The following ARMC2 variants were observed in gnomAD, a reference collection of about 807,000 sequenced individuals.
ARMC2 encodes armadillo repeat containing 2.
A neutral mutation model predicts 90.3 loss-of-function variants in ARMC2; 67 were observed. That is an observed-to-expected ratio of 0.74 (90% CI 0.61 to 0.91). The LOEUF (loss-of-function observed/expected upper bound fraction) is 0.91, where lower values mean the gene tolerates loss of function less well. ARMC2 is among the 40% of genes least tolerant of loss of function. ARMC2 has a pLI of 0.00. For missense variants in ARMC2, 920 were observed against 1,030.9 expected (o/e 0.89, Z 1.47); for synonymous variants, 393 against 393.0 (o/e 1.00, Z 0.00).
the ARMC2 span, chr6:108,998,730 C>T: frequency 6.2e-7 from 1 of 1,612,318 alleles, no homozygotes; most frequent in South Asian, 1.1e-5. Flanking sequence ...AAGGGACCAG[C>T]TGTGCTCTTC....
At chr6:108,898,867 C>A (rs1771864864) in intron 6 of ARMC2, among the ~76,000 whole-genome samples, 1 of 152,138 alleles carries the variant, frequency 6.6e-6, no homozygotes, top group Non-Finnish European at 1.5e-5. Context: ...TCCCTACAAC[C>A]CATATTCACA....
At chr6:108,904,083 G>T in intron 7 of ARMC2, 147 bp from the exon 8 acceptor site, 1 of 909,982 alleles carries the variant, frequency 1.1e-6, no homozygotes, top group South Asian at 1.6e-5. Context: ...AGATGGAAGT[G>T]ATAAGATAAG....
At chr6:108,997,201 T>A in the ARMC2 span, among the ~76,000 whole-genome samples, 1 of 152,198 alleles carries the variant, frequency 6.6e-6, no homozygotes, top group Non-Finnish European at 1.5e-5. Flanking sequence ...GGAAGCTTAT[T>A]AGAGAAATAA....
At chr6:108,971,999 A>C (rs1778799900) in intron 17 of ARMC2, among the ~76,000 whole-genome samples, 1 of 151,968 alleles carries the variant, frequency 6.6e-6, no homozygotes, top group South Asian at 2.1e-4. Flanking sequence ...TTACCATTTT[A>C]GAAGTTGGCC....
chr6:109,046,866 G>A, the ARMC2 span, among the ~76,000 whole-genome samples: 22 of 131,336 alleles, frequency 1.7e-4, no homozygotes, highest in African/African-American at 5.6e-4. Flanking sequence ...CGTATGAGAA[G>A]TGAGGAGCCC....
chr6:109,034,447 A>C, the ARMC2 span, among the ~76,000 whole-genome samples: 1 of 152,200 alleles, frequency 6.6e-6, no homozygotes, highest in Admixed American at 6.5e-5. Context: ...TTATTTATCA[A>C]TTCTTTGAGT....
chr6:108,868,731 G>C, intron 3 of ARMC2, 93 bp from the exon 4 acceptor site: 1 of 1,188,584 alleles, frequency 8.4e-7, no homozygotes, highest in Non-Finnish European at 1.2e-6. Flanking sequence ...GATAGGCCTT[G>C]TGCTCTTCTG....
Position 108,904,286 on chromosome 6 carries a change from G to A in ARMC2, c.904G>A (p.Glu302Lys), listed in dbSNP as rs753579426. 6.2e-7 allele frequency: 1 copy of A among 1,613,768 alleles called. No homozygotes were observed. Among genetic ancestry groups the A allele is most frequent in the African/African-American group, 1.3e-5 (1 of 74,920 alleles). Reference sequence around the variant, plus strand: ...CACACAACTTCATCATGCTTTAGAGGAAGGAAACATGCTTGGAAATAAATT... The same window carrying A: ...CACACAACTTCATCATGCTTTAGAGAAAGGAAACATGCTTGGAAATAAATT... ...ACTQLHHALE[E>K]GNMLGNKFKG... Residue 302 changes from glutamate (E) to lysine (K), a missense_variant, in exon 8 of 18, where the codon GAA (glutamate) becomes AAA (lysine). Glu to Lys is a moderately conservative substitution (Grantham distance 56). Transcript: ENST00000392644.
At chr6:109,020,784 AAC>A in the ARMC2 span, among the ~76,000 whole-genome samples, 7 of 151,870 alleles carry the variant, frequency 4.6e-5, no homozygotes, top group African/African-American at 1.7e-4. Context: ...AACAATAGTT[AAC>A]AGTTTTCTTC....
the ARMC2 span, among the ~76,000 whole-genome samples, chr6:109,013,679 T>C: frequency 6.6e-6 from 1 of 152,358 alleles, no homozygotes; most frequent in East Asian, 1.9e-4. Context: ...AGTAATTGGT[T>C]AGAAAACATA....
chr6:108,991,515 TAC>T, the ARMC2 span, among the ~76,000 whole-genome samples: 1 of 152,212 alleles, frequency 6.6e-6, no homozygotes, highest in Non-Finnish European at 1.5e-5. Context: ...GTGCTGGGAT[TAC>T]ACGTGGGAGC....
intron 11 of ARMC2, among the ~76,000 whole-genome samples, 190 bp from the exon 12 acceptor site, chr6:108,936,710 C>T (rs1702693260): frequency 6.6e-6 from 1 of 152,202 alleles, no homozygotes; most frequent in South Asian, 2.1e-4. Flanking sequence ...TTTTCCGGAT[C>T]CATCTCACTA....
the ARMC2 span, chr6:109,009,538 TCA>T: frequency 8.7e-7 from 1 of 1,145,182 alleles, no homozygotes; most frequent in Non-Finnish European, 1.1e-6. Flanking sequence ...CTGCAGCGCC[TCA>T]GTCAGCACGG....
the ARMC2 span, among the ~76,000 whole-genome samples, chr6:108,982,180 CTGAGA>C: frequency 1.3e-4 from 20 of 152,254 alleles, no homozygotes; most frequent in East Asian, 3.9e-3. Flanking sequence ...TTAGTTCAAG[CTGAGA>C]TAACAAAAAA....
At chr6:108,973,117 A>G (rs1352222201) in intron 17 of ARMC2, among the ~76,000 whole-genome samples, 1 of 152,168 alleles carries the variant, frequency 6.6e-6, no homozygotes, top group African/African-American at 2.4e-5. Context: ...GCTTGAGGTC[A>G]GGAGTTGGAG....
intron 3 of ARMC2, among the ~76,000 whole-genome samples, chr6:108,865,631 G>T (rs536952812): frequency 2.6e-4 from 39 of 152,112 alleles, no homozygotes; most frequent in Non-Finnish European, 5.0e-4. Context: ...CTTTTATTGA[G>T]GAGCATTTGT....
At chr6:109,026,976 C>T in the ARMC2 span, among the ~76,000 whole-genome samples, 1 of 151,996 alleles carries the variant, frequency 6.6e-6, no homozygotes, top group African/African-American at 2.4e-5. Flanking sequence ...TCAAGACCAG[C>T]CTGGCCAACA....
intron 12 of ARMC2, among the ~76,000 whole-genome samples, chr6:108,944,441 A>G (rs965145435): frequency 6.6e-6 from 1 of 152,200 alleles, no homozygotes; most frequent in African/African-American, 2.4e-5. Context: ...CACACTGATG[A>G]GGCTTCAAGC....
intron 8 of ARMC2, among the ~76,000 whole-genome samples, chr6:108,910,055 C>T (rs1056629448): frequency 6.6e-6 from 1 of 152,000 alleles, no homozygotes; most frequent in Admixed American, 6.6e-5. Context: ...TTTTGGTATT[C>T]ATCTTCCTCT....
Sources: allele counts gnomAD v4.1 joint callset (sites outside exome capture counted in the v4.1 genomes callset), GRCh38; gene constraint gnomAD v4.1.1; transcripts MANE v1.5; gene names NCBI Gene and HGNC (gene_info 2026-07-23, HGNC 2026-07-21).